Variants in COL5A3 observed in about 807,000 individuals in gnomAD.
The protein encoded by COL5A3 is collagen type V alpha 3 chain.
COL5A3 carries 172 observed loss-of-function variants against 250.0 expected under a neutral mutation model. The ratio of observed to expected loss-of-function variants is 0.69; its 90% CI spans 0.61 to 0.78. The LOEUF (loss-of-function observed/expected upper bound fraction) is 0.78, where lower values mean the gene tolerates loss of function less well. Ranked by LOEUF, COL5A3 falls within the 30% of genes least tolerant of loss-of-function variation. The pLI is 0.00. For missense variants in COL5A3, 2,340 were observed against 2,334.4 expected (o/e 1.00, Z -0.05); for synonymous variants, 937 against 900.4 (o/e 1.04, Z -0.73).
At position 9,996,780 on chromosome 19, in the gene COL5A3, A is replaced by G; in HGVS notation, c.1264-91T>C. 7.9e-6 allele frequency: 6 copies of G among 763,810 alleles called. No homozygotes were observed. In the South Asian group the frequency reaches 1.2e-4, roughly 15 times the overall value. The allele number at this position is 763,810 out of a possible 1,614,324, so 47.3% of individuals were successfully genotyped here. On this transcript the variant is annotated intron_variant, in intron 11 of 66. Transcript: ENST00000264828. ...GGAGGCACAGAAGGATGAGTCAGAAAGAGAGAGAGAGGGAGAGATGGAGAG... is the reference window on the plus strand; with the variant it reads ...GGAGGCACAGAAGGATGAGTCAGAAGGAGAGAGAGAGGGAGAGATGGAGAG...
chr19:9,988,855 A>AAAAAAAAAAGAGAGAGAGAGAAAG (rs1269531312), intron 27 of COL5A3, among the ~76,000 whole-genome samples: 27 of 104,620 alleles, frequency 2.6e-4, no homozygotes, highest in African/African-American at 5.4e-4. Context: ...AAAAAAAAAA[A>AAAAAAAAAAGAGAGAGAGAGAAAG]AAAGAAAGTA....
intron 50 of COL5A3, among the ~76,000 whole-genome samples, chr19:9,973,324 C>T (rs2086878484): frequency 6.6e-6 from 1 of 152,210 alleles, no homozygotes; most frequent in African/African-American, 2.4e-5. Context: ...GGACTCATGA[C>T]TCAGATTTGA....
chr19:10,006,315 G>T, intron 1 of COL5A3, 84 bp from the exon 2 acceptor site: 4 of 1,318,208 alleles, frequency 3.0e-6, no homozygotes, highest in Non-Finnish European at 4.1e-6. Flanking sequence ...GAGGCTCAGG[G>T]TTTTTTTAGG....
In COL5A3 at chr19:9,974,427, G is replaced by A; in HGVS notation, c.3343-19C>T. The A allele has an allele frequency of 6.4e-7, 1 of 1,556,300 alleles. No individual in the cohort carries two copies. Among genetic ancestry groups the A allele is most frequent in the Non-Finnish European group, 8.7e-7 (1 of 1,152,354 alleles). On this transcript the variant is annotated intron_variant, in intron 45 of 66. Coordinates refer to ENST00000264828, the MANE Select transcript of COL5A3 (RefSeq NM_015719.4). Reference sequence around the variant, plus strand: ...CTGCTCCCTGGAAGAACACAAACAGGGGCACATTTAAGGTCTGGGTCAGTG... The same window carrying A: ...CTGCTCCCTGGAAGAACACAAACAGAGGCACATTTAAGGTCTGGGTCAGTG...
In COL5A3 at chr19:9,987,959, G is replaced by T. The variant is rs577641345; in HGVS notation, c.2145+1165C>A. ...TAAAAAATAAAACATTTAGGGCCGG[G>T]TGTGGTGGCTCATGCCTGTAATCCC... On this transcript the variant is annotated intron_variant, in intron 27 of 66. Coordinates refer to ENST00000264828, the MANE Select transcript of COL5A3 (RefSeq NM_015719.4). 1.0e-3 allele frequency among the ~76,000 whole-genome samples: 152 copies of T among 152,242 alleles called. 1 individual carries two copies. The highest frequency in any genetic ancestry group is 3.4e-3 in the African/African-American group (143 of 41,540).
At position 9,960,552 on chromosome 19, in the gene COL5A3, C is replaced by G; in HGVS notation, c.5097G>C (p.Arg1699=). 6.2e-7 allele frequency: 1 copy of G among 1,614,188 alleles called. No homozygotes were observed. The highest frequency in any genetic ancestry group is 8.5e-7 in the Non-Finnish European group (1 of 1,180,042). ...CGAAAAGGGTCTTCGTCTGTCCTTT[C>G]CGGAGCTGTCCCCAGAGAAGACAGA... ...VSVPQDGCRL[R]KGQTKTLFEF... is the part of the protein sequence containing the mutation. Residue 1699 remains arginine (R), a synonymous_variant, in exon 67 of 67, where the codon CGG becomes CGC. Transcript: ENST00000264828.
At chr19:9,988,846 A>AG (rs1222744965) in intron 27 of COL5A3, among the ~76,000 whole-genome samples, 3 of 128,310 alleles carry the variant, frequency 2.3e-5, no homozygotes, top group Non-Finnish European at 4.8e-5. Flanking sequence ...AAAAAAAAAA[A>AG]AAAAAAAAAA....
In COL5A3 at chr19:9,978,627, C is replaced by G. The variant is rs2086958705; in HGVS notation, c.2965G>C (p.Gly989Arg). ...PGPKGGPGDP[G>R]PTGLKGDKGP... is the part of the protein sequence containing the mutation. ...TTATCACCCTTTAAGCCAGTAGGTC[C>G]CTGAAGGAGGAGATAATTCACAGTT... Residue 989 changes from glycine to arginine, a missense_variant and splice_region_variant, in exon 41 of 67, where the codon GGA becomes CGA. By Grantham distance (125) the Gly-to-Arg change is moderately radical. This residue lies in a region of COL5A3 where 1,179 missense variants were observed against 1,162.6 expected (regional missense o/e 1.01). Transcript: ENST00000264828. 1.3e-6 allele frequency: 2 copies of G among 1,559,186 alleles called. No individual in the cohort carries two copies. The highest frequency in any genetic ancestry group is 1.2e-5 in the South Asian group (1 of 84,216).
rs776068044 is a variant in COL5A3 at position 9,960,718 on chromosome 19, T to C, written c.5024A>G (p.Asn1675Ser). The C allele has an allele frequency of 4.3e-6, 7 of 1,614,006 alleles. No individual in the cohort carries two copies. The highest frequency in any genetic ancestry group is 5.1e-6 in the Non-Finnish European group (6 of 1,180,000). Residue 1675 changes from asparagine to serine, a missense_variant, in exon 66 of 67, where the codon AAT becomes AGT. Physicochemically the swap from Asn to Ser is conservative, Grantham distance 46. Transcript: ENST00000264828. ...CTGGTTGAAAGACAGCTCCTCTCCA[T>C]TGGTGCCAAGGAAGCGGGCGGAGTG... ...YSHSARFLGT[N>S]GEELSFNQTT...
rs1292643473 is a variant in COL5A3, at chr19:9,998,031, G to C, written c.1159-6C>G. ...GGTCCCTCAAACTGCTGCCCCTGAA[G>C]GGAGAAGTGAGTGTCGGTGACCGCT... On this transcript the variant is annotated splice_polypyrimidine_tract_variant and splice_region_variant and intron_variant, in intron 9 of 66. Transcript: ENST00000264828. The C allele has an allele frequency of 3.7e-6, 6 of 1,614,046 alleles. No homozygotes were observed. The South Asian group carries it at 5.5e-5, about 15-fold the overall frequency.
intron 10 of COL5A3, 72 bp from the exon 11 acceptor site, chr19:9,997,505 T>C: frequency 1.0e-6 from 1 of 990,144 alleles, no homozygotes; most frequent in Non-Finnish European, 1.5e-6. Context: ...AACCTACCAC[T>C]GACTCTAACC....
Position 9,977,659 on chromosome 19 carries a change from T to C in COL5A3, c.3061A>G (p.Ile1021Val). 1 of 1,608,202 alleles carries C rather than the reference T, an allele frequency of 6.2e-7. No homozygotes were observed. The highest frequency in any genetic ancestry group is 8.5e-7 in the Non-Finnish European group (1 of 1,177,048). ...ERGPLGPAGG[I>V]GLPGQSGSEG... ...CTGCCACTTTGGCCAGGAAGTCCAA[T>C]GCCTCCTGCTGGGCCCAAAGGACCG... The change falls in exon 42 of 67, where the codon ATT becomes GTT. Residue 1021 changes from isoleucine to valine, a missense_variant. Around this residue, in one of 3 missense-constraint regions of COL5A3, gnomAD observed 1,179 missense variants for 1,162.6 expected, o/e 1.01. Transcript: ENST00000264828.
intron 11 of COL5A3, chr19:9,996,964 G>C (rs1342069662): frequency 1.9e-6 from 1 of 538,148 alleles, no homozygotes; most frequent in Non-Finnish European, 3.3e-6. Flanking sequence ...GAAACAGAGA[G>C]ACAGAGAGAG....
intron 1 of COL5A3, 37 bp downstream of exon 1, chr19:10,010,261 G>C (rs745725381): frequency 9.7e-6 from 13 of 1,337,360 alleles, no homozygotes; most frequent in Non-Finnish European, 1.2e-5. Flanking sequence ...TCTCTGAGTC[G>C]TGGACCCTGG....
At chr19:9,971,104 G>A in intron 52 of COL5A3, 76 bp from the exon 53 acceptor site, 1 of 1,425,782 alleles carries the variant, frequency 7.0e-7, no homozygotes, top group Non-Finnish European at 9.4e-7. Flanking sequence ...GGAGGCAAAA[G>A]AACGTTTTTG....
At position 9,967,349 on chromosome 19, in the gene COL5A3, G is replaced by A. The variant is rs757752851; in HGVS notation, c.4456C>T (p.Pro1486Ser). The A allele has an allele frequency of 1.4e-6, 2 of 1,440,100 alleles. No individual in the cohort carries two copies. The highest frequency in any genetic ancestry group is 7.0e-5 in the Admixed American group (2 of 28,462). The allele number at this position is 1,440,100 out of a possible 1,614,324, so 89.2% of individuals were successfully genotyped here. A position where few individuals can be genotyped will look rare whatever the true frequency, so the allele number is the denominator to read the frequency against. The part of the protein sequence containing the change: ...DTGPAGPPGP[P>S]GAPAELHGLR... ...CCCCCGCCCCCCGGGGAACTCACCG[G>A]GGGGCCTGGTGGGCCTGCAGGTCCA... is the stretch of plus-strand genomic sequence containing the variant. Residue 1486 changes from proline to serine, a missense_variant and splice_region_variant, in exon 62 of 67, where the codon CCG (proline) becomes TCG (serine). Coordinates refer to ENST00000264828, the MANE Select transcript of COL5A3 (RefSeq NM_015719.4).
intron 39 of COL5A3, 70 bp downstream of exon 39, chr19:9,979,062 A>G: frequency 7.5e-6 from 11 of 1,467,746 alleles, no homozygotes; most frequent in Non-Finnish European, 1.0e-5. Flanking sequence ...CCCCTCCCCC[A>G]TGAGACTGAT....
intron 16 of COL5A3, among the ~76,000 whole-genome samples, chr19:9,994,327 C>T (rs2087239034): frequency 6.6e-6 from 1 of 151,000 alleles, no homozygotes; most frequent in Admixed American, 6.6e-5. Flanking sequence ...TACAAGTGCA[C>T]ACCACCACAC....
In COL5A3 at chr19:9,974,339, T is replaced by G. The variant is rs375019055; in HGVS notation, c.3412A>C (p.Arg1138=). 14 of 1,612,666 alleles carry G rather than the reference T, an allele frequency of 8.7e-6. No homozygotes were observed. Among genetic ancestry groups the G allele is most frequent in the Non-Finnish European group, 1.2e-5 (14 of 1,179,404 alleles). ...LFGQKGDDGV[R]GFVGVIGPPG... is the part of the protein sequence containing the mutation. Reference sequence around the variant, plus strand: ...GGGCCAATCACCCCCACAAAGCCTCTGACTCCGTCATCTCCTTTCTGCCCA... The same window carrying G: ...GGGCCAATCACCCCCACAAAGCCTCGGACTCCGTCATCTCCTTTCTGCCCA... The change falls in exon 46 of 67, where the codon AGA becomes CGA. Residue 1138 remains arginine, a synonymous_variant. Coordinates refer to ENST00000264828, the MANE Select transcript of COL5A3 (RefSeq NM_015719.4).
Sources: allele counts gnomAD v4.1 joint callset (sites outside exome capture counted in the v4.1 genomes callset), GRCh38; gene constraint gnomAD v4.1.1; regional missense constraint gnomAD v4.1.1; transcripts MANE v1.5; gene names NCBI Gene and HGNC (gene_info 2026-07-23, HGNC 2026-07-21).